PC: variants seen among roughly 807,000 people sequenced by gnomAD.
PC encodes the protein pyruvate carboxylase, mitochondrial.
A neutral mutation model predicts 107.8 loss-of-function variants in PC; 46 were observed. The observed-to-expected ratio is 0.43, with a 90% CI of 0.34 to 0.55. The LOEUF (loss-of-function observed/expected upper bound fraction) is 0.55, where lower values mean the gene tolerates loss of function less well. Ranked by LOEUF, PC falls within the 20% of genes least tolerant of loss-of-function variation. The pLI is 0.04. For missense variants in PC, 1,241 were observed against 1,643.1 expected, an observed-to-expected ratio of 0.76 and a Z score of 4.23; for synonymous variants, 662 against 684.7, an observed-to-expected ratio of 0.97 and a Z score of 0.52.
chr11:66,875,460 G>C (rs1591202115), intron 3 of PC, among the ~76,000 whole-genome samples: 1 of 152,112 alleles, frequency 6.6e-6, no homozygotes, highest in African/African-American at 2.4e-5. Flanking sequence ...AGCATCACAG[G>C]GGCGGTGGTG....
At chr11:66,853,135 G>T in intron 13 of PC, 104 bp downstream of exon 13, 1 of 1,303,588 alleles carries the variant, frequency 7.7e-7, no homozygotes. Context: ...GGGGCAGGGG[G>T]CACTAAGGAG....
chr11:66,859,538 C>A (rs1946109647), intron 12 of PC: 1 of 1,559,100 alleles, frequency 6.4e-7, no homozygotes, highest in Admixed American at 1.9e-5. Context: ...CGAGTGGCCC[C>A]AGGGGGAGGG....
intron 3 of PC, among the ~76,000 whole-genome samples, chr11:66,898,410 T>C (rs1244116981): frequency 2.0e-5 from 3 of 152,186 alleles, no homozygotes; most frequent in Non-Finnish European, 4.4e-5. Context: ...CCGGGTGTAG[T>C]GGCTCACACC....
chr11:66,849,517 A>C, intron 21 of PC, 94 bp downstream of exon 21: 2 of 1,610,322 alleles, frequency 1.2e-6, no homozygotes, highest in Non-Finnish European at 1.7e-6. Flanking sequence ...TTCTGCTCCC[A>C]AAGCTTGCGA....
intron 3 of PC, 89 bp from the exon 4 acceptor site, chr11:66,872,248 G>A: frequency 7.0e-7 from 1 of 1,437,708 alleles, no homozygotes; most frequent in Non-Finnish European, 9.5e-7. Context: ...CCCCACAGTG[G>A]CCCCACAGAA....
chr11:66,936,422 C>T (rs1201342989), intron 3 of PC, among the ~76,000 whole-genome samples: 1 of 152,244 alleles, frequency 6.6e-6, no homozygotes, highest in Non-Finnish European at 1.5e-5. Flanking sequence ...TATTTGCTGA[C>T]GTCTTGATGG....
At chr11:66,949,125 TG>T (rs1837632683) in intron 3 of PC, among the ~76,000 whole-genome samples, 2 of 151,338 alleles carry the variant, frequency 1.3e-5, no homozygotes, top group Non-Finnish European at 2.9e-5. Context: ...CCCAAGTAGC[TG>T]GGATTACAGG....
At chr11:66,937,861 C>A (rs1207142168) in intron 3 of PC, among the ~76,000 whole-genome samples, 2 of 151,182 alleles carry the variant, frequency 1.3e-5, no homozygotes, top group African/African-American at 4.9e-5. Flanking sequence ...ACTGCAATCT[C>A]CACCTCCCAG....
chr11:66,921,850 C>A (rs1201591430), intron 3 of PC, among the ~76,000 whole-genome samples: 1 of 152,152 alleles, frequency 6.6e-6, no homozygotes, highest in Non-Finnish European at 1.5e-5. Flanking sequence ...GAGGAAAAAC[C>A]AAACAGCAGA....
chr11:66,858,634 G>C lies in PC; in HGVS notation c.1368+5140C>G. 6.5e-7 allele frequency: 1 copy of C among 1,538,068 alleles called. No homozygotes were observed. Among genetic ancestry groups the C allele is most frequent in the Non-Finnish European group, 8.7e-7 (1 of 1,143,894 alleles). On this transcript the variant is annotated intron_variant, in intron 12 of 22. Transcript: ENST00000393960. This position sits in a 1 kb window ranked among gnomAD's most constrained non-coding sequence, Gnocchi z 5.9. ...CGCCTCTGGGTGCTGGAAGGCCAGC[G>C]GGCCACGCTGCGGTGCCGGGCCCTG...
In PC at chr11:66,860,639, C is replaced by T. The variant is rs770329212; in HGVS notation, c.1368+3135G>A. ...TGTCCACAGGGGCGGCCCAGGGCTG[C>T]GGCCAAGGGCTGTGCCTGGTGTCTT... On this transcript the variant is annotated intron_variant, in intron 12 of 22. Transcript: ENST00000393960. The T allele has an allele frequency of 2.6e-4, 180 of 701,688 alleles. 8 individuals carry two copies. The highest frequency in any genetic ancestry group is 2.6e-3 in the South Asian group (173 of 67,554). 43.5% of individuals were successfully genotyped at this position (701,688 alleles called of 1,614,324 possible). A position where few individuals can be genotyped will look rare whatever the true frequency, so the allele number is the denominator to read the frequency against.
In PC at chr11:66,850,295, C is replaced by T; in HGVS notation, c.2643G>A (p.Met881Ile). 6 of 1,614,140 alleles carry T rather than the reference C, an allele frequency of 3.7e-6. No homozygotes were observed. The highest frequency in any genetic ancestry group is 5.1e-6 in the Non-Finnish European group (6 of 1,180,028). ...CCTCCTTGAACTTGGAGCCAAGCCCCATGCTGTGGGCCTGGAAGTGCAGGT... is the reference window on the plus strand; with the variant it reads ...CCTCCTTGAACTTGGAGCCAAGCCCTATGCTGTGGGCCTGGAAGTGCAGGT... ...YTNLHFQAHSMGLGSKFKEVK... is the reference protein window; with the variant it reads ...YTNLHFQAHSIGLGSKFKEVK... The change falls in exon 19 of 23, where the codon ATG becomes ATA. Residue 881 changes from methionine (M) to isoleucine (I), a missense_variant. By Grantham distance (10) the Met-to-Ile change is conservative. This residue lies in a region of PC where 1,143 missense variants were observed against 1,551.9 expected (regional missense o/e 0.74). Coordinates refer to ENST00000393960, the MANE Select transcript of PC (RefSeq NM_001040716.2).
intron 12 of PC, among the ~76,000 whole-genome samples, chr11:66,855,485 G>A (rs756098703): frequency 6.6e-6 from 1 of 152,192 alleles, no homozygotes; most frequent in Admixed American, 6.5e-5. Flanking sequence ...TTTTAATAGA[G>A]ATGGGGTTTC....
chr11:66,859,738 C>T lies in PC; in HGVS notation c.1368+4036G>A. ...GCCTTGTCACCGGCCGCTGGGCCCT[C>T]TGACCTCACGGCCACCAGGCTGCTG... On this transcript the variant is annotated intron_variant, in intron 12 of 22. Coordinates refer to ENST00000393960, the MANE Select transcript of PC (RefSeq NM_001040716.2). 3 of 1,610,486 alleles carry T rather than the reference C, an allele frequency of 1.9e-6. No individual in the cohort carries two copies. The Middle Eastern group carries it at 5.0e-4, about 266-fold the overall frequency.
chr11:66,886,248 G>A (rs1253813929), intron 3 of PC, among the ~76,000 whole-genome samples: 8 of 152,114 alleles, frequency 5.3e-5, no homozygotes, highest in East Asian at 1.9e-4. Context: ...GTGCTGGGGC[G>A]GCTGGAGCAA....
intron 3 of PC, among the ~76,000 whole-genome samples, chr11:66,947,690 C>T (rs1949333015): frequency 1.3e-5 from 2 of 151,994 alleles, no homozygotes; most frequent in African/African-American, 4.8e-5. Context: ...GGGCCAGGTG[C>T]GGTAGCTCAC....
At chr11:66,891,609 C>A (rs1372349290) in intron 3 of PC, among the ~76,000 whole-genome samples, 1 of 152,008 alleles carries the variant, frequency 6.6e-6, no homozygotes, top group Non-Finnish European at 1.5e-5. Flanking sequence ...TCAGGCTGGT[C>A]GTGAACTCCT....
chr11:66,949,656 G>A (rs190161273), intron 3 of PC, among the ~76,000 whole-genome samples: 14 of 152,106 alleles, frequency 9.2e-5, no homozygotes, highest in African/African-American at 2.4e-4. Context: ...GCGACAGAGC[G>A]AGACTCCATC....
At chr11:66,855,096 CT>C (rs1185580126) in intron 12 of PC, among the ~76,000 whole-genome samples, 1 of 152,260 alleles carries the variant, frequency 6.6e-6, no homozygotes, top group African/African-American at 2.4e-5. Flanking sequence ...TGCTGGGACC[CT>C]TGTGTTCACA....
Sources: allele counts gnomAD v4.1 joint callset (sites outside exome capture counted in the v4.1 genomes callset), GRCh38; gene constraint gnomAD v4.1.1; regional missense constraint gnomAD v4.1.1; non-coding constraint Gnocchi (gnomAD v3.1); transcripts MANE v1.5; gene names NCBI Gene and HGNC (gene_info 2026-07-23, HGNC 2026-07-21).